The following AKAP10 variants were observed in gnomAD, a reference collection of about 807,000 sequenced individuals.
AKAP10 encodes the protein A-kinase anchoring protein 10.
In AKAP10, 24 loss-of-function variants were observed where a neutral mutation model predicts 80.8. The observed-to-expected ratio is 0.30, with a 90% confidence interval of 0.22 to 0.42. The LOEUF is 0.42. AKAP10 is among the 10% of genes least tolerant of loss of function. The pLI is 1.00. For synonymous variants in AKAP10, 291 were observed against 277.7 expected (o/e 1.05, Z -0.48); for missense variants, 661 against 794.9 (o/e 0.83, Z 2.03).
At chr17:19,918,916 C>T (rs564956572) in intron 12 of AKAP10, among the ~76,000 whole-genome samples, 12 of 152,248 alleles carry the variant, frequency 7.9e-5, no homozygotes, top group African/African-American at 2.6e-4. Context: ...ATATTTTCCA[C>T]ATATATTTAT....
chr17:19,911,084 TC>T (rs2042684863), intron 12 of AKAP10, among the ~76,000 whole-genome samples: 1 of 152,172 alleles, frequency 6.6e-6, no homozygotes, highest in Non-Finnish European at 1.5e-5. Flanking sequence ...AAAACCTGGA[TC>T]CTTTTCCCTC....
At position 19,931,847 on chromosome 17, in the gene AKAP10, A is replaced by G; in HGVS notation, c.1599T>C (p.Pro533=). ...SLTAPGSVGP[P]DESHPGSSDS... Reference sequence around the variant, plus strand: ...CAGAACTCCCTGGGTGAGACTCATCAGGAGGGCCAACAGAGCCAGGAGCAG... The same window carrying G: ...CAGAACTCCCTGGGTGAGACTCATCGGGAGGGCCAACAGAGCCAGGAGCAG... The change falls in exon 10 of 15, where the codon CCT becomes CCC. Residue 533 remains proline (P), a synonymous_variant. Transcript: ENST00000225737. 1.9e-6 allele frequency: 3 copies of G among 1,614,190 alleles called. No homozygotes were observed. The highest frequency in any genetic ancestry group is 2.5e-6 in the Non-Finnish European group (3 of 1,180,036).
chr17:19,964,391 A>G (rs151234619), intron 2 of AKAP10, among the ~76,000 whole-genome samples: 125 of 152,088 alleles, frequency 8.2e-4, no homozygotes, highest in African/African-American at 3.0e-3. Flanking sequence ...CTATCTGCTC[A>G]TTGCTCTCAT....
chr17:19,915,841 T>C (rs2042737366), intron 12 of AKAP10, among the ~76,000 whole-genome samples: 2 of 152,144 alleles, frequency 1.3e-5, no homozygotes, highest in African/African-American at 4.8e-5. Flanking sequence ...TACACTAAAT[T>C]TTCCAAATAG....
At chr17:19,950,798 AC>A (rs2043194236) in intron 4 of AKAP10, among the ~76,000 whole-genome samples, 1 of 144,432 alleles carries the variant, frequency 6.9e-6, no homozygotes, top group Non-Finnish European at 1.5e-5. Flanking sequence ...AGCCCCTCTG[AC>A]CGGCCGCCCC....
chr17:19,906,426 A>C (rs1316158386), intron 14 of AKAP10, among the ~76,000 whole-genome samples, 194 bp from the exon 15 acceptor site: 7 of 152,220 alleles, frequency 4.6e-5, no homozygotes, highest in African/African-American at 1.7e-4. Context: ...ACAGAAGCTT[A>C]AAGAGGTTAC....
At chr17:19,972,707 G>A (rs916870995) in intron 1 of AKAP10, among the ~76,000 whole-genome samples, 6 of 152,040 alleles carry the variant, frequency 3.9e-5, no homozygotes, top group African/African-American at 9.7e-5. Context: ...TGCTCACCTC[G>A]GCCTCCCAAA....
rs1267318990 is a variant in AKAP10, at chr17:19,905,240, G to A, written c.*987C>T. The A allele has an allele frequency of 6.6e-6, 1 of 151,450 alleles. No individual in the cohort carries two copies. The highest frequency in any genetic ancestry group is 1.5e-5 in the Non-Finnish European group (1 of 67,966). The allele number at this position is 151,450 out of a possible 1,614,324, so 9.4% of individuals were successfully genotyped here. A position where few individuals can be genotyped will look rare whatever the true frequency, so the allele number is the denominator to read the frequency against. On this transcript the variant is annotated 3_prime_UTR_variant, in exon 15 of 15. Transcript: ENST00000225737. ...TGAGTCTCTTACTATCCTAAAGAAAGGAGAAGAAAGACGACCAACTGCACA... is the reference window on the plus strand; with the variant it reads ...TGAGTCTCTTACTATCCTAAAGAAAAGAGAAGAAAGACGACCAACTGCACA...
At chr17:19,915,002 T>G (rs1244825487) in intron 12 of AKAP10, among the ~76,000 whole-genome samples, 2 of 152,046 alleles carry the variant, frequency 1.3e-5, no homozygotes, top group African/African-American at 4.8e-5. Flanking sequence ...GGGGAAGAGA[T>G]GAGGTGGATG....
At chr17:19,934,122 TG>T (rs959350471) in intron 9 of AKAP10, among the ~76,000 whole-genome samples, 54 of 152,134 alleles carry the variant, frequency 3.5e-4, no homozygotes, top group Admixed American at 9.8e-4. Context: ...GGTTTCTCCA[TG>T]TTGGTCAGGC....
intron 10 of AKAP10, among the ~76,000 whole-genome samples, chr17:19,930,944 C>T: frequency 6.6e-6 from 1 of 152,020 alleles, no homozygotes; most frequent in East Asian, 1.9e-4. Context: ...CTCCCGACCT[C>T]GTGATCTGCC....
At chr17:19,917,040 G>A (rs140845144) in intron 12 of AKAP10, among the ~76,000 whole-genome samples, 2,173 of 151,998 alleles carry the variant, frequency 0.014, 28 homozygotes, top group Non-Finnish European at 0.022. Flanking sequence ...AGAGGCGAGC[G>A]GATCACGAGG....
intron 12 of AKAP10, among the ~76,000 whole-genome samples, chr17:19,913,064 A>C (rs1597488074): frequency 1.4e-5 from 2 of 141,760 alleles, no homozygotes; most frequent in African/African-American, 2.7e-5. Context: ...TGCAAACTCC[A>C]CCTCCTGGGT....
At chr17:19,951,471 AAAAG>A (rs1446017524) in intron 4 of AKAP10, among the ~76,000 whole-genome samples, 1 of 152,202 alleles carries the variant, frequency 6.6e-6, no homozygotes, top group Non-Finnish European at 1.5e-5. Context: ...AAATGTGGGG[AAAAG>A]AAAGAGAGAT....
intron 5 of AKAP10, among the ~76,000 whole-genome samples, chr17:19,943,115 A>G (rs1019243421): frequency 2.0e-5 from 3 of 152,062 alleles, no homozygotes; most frequent in East Asian, 1.9e-4. Flanking sequence ...TTTTGATCTC[A>G]TGGCCTGAAA....
intron 1 of AKAP10, among the ~76,000 whole-genome samples, chr17:19,971,603 A>G (rs991404864): frequency 6.6e-6 from 1 of 152,120 alleles, no homozygotes; most frequent in Non-Finnish European, 1.5e-5. Flanking sequence ...AACCAGTTCT[A>G]GTTCATTCAC....
At chr17:19,955,270 G>A (rs1222867231) in intron 4 of AKAP10, among the ~76,000 whole-genome samples, 1 of 152,060 alleles carries the variant, frequency 6.6e-6, no homozygotes, top group Non-Finnish European at 1.5e-5. Context: ...CTATTGAGAC[G>A]GAGAAAGATC....
chr17:19,936,223 A>C (rs1249790987), intron 9 of AKAP10, 63 bp downstream of exon 9: 1 of 1,540,518 alleles, frequency 6.5e-7, no homozygotes, highest in Admixed American at 1.9e-5. Context: ...TTCCCACCTT[A>C]TATTTTATGA....
At chr17:19,940,367 A>G (rs1478817076) in intron 7 of AKAP10, among the ~76,000 whole-genome samples, 2 of 152,212 alleles carry the variant, frequency 1.3e-5, no homozygotes, top group Non-Finnish European at 2.9e-5. Context: ...TCTACTTAAT[A>G]GTCATTTGCT....
Sources: gnomAD v4.1 joint callset for allele counts (sites outside exome capture counted in the v4.1 genomes callset) on GRCh38, gnomAD v4.1.1 for gene constraint, MANE v1.5 for transcripts, NCBI Gene and HGNC (gene_info 2026-07-23, HGNC 2026-07-21) for gene names.